The following FBP2 variants were observed in gnomAD, a reference collection of about 807,000 sequenced individuals.
The protein encoded by FBP2 is fructose-bisphosphatase 2, also known as fructose-1,6-bisphosphatase isozyme 2.
A neutral mutation model predicts 31.6 loss-of-function variants in FBP2; 27 were observed. That is an observed-to-expected ratio of 0.85 (90% CI 0.63 to 1.18). The LOEUF (loss-of-function observed/expected upper bound fraction) is 1.18, where lower values mean the gene tolerates loss of function less well. FBP2 is among the 50% of genes most tolerant of loss of function. The probability of loss-of-function intolerance (pLI) is 0.00; values close to 1 mark genes in which losing one functional copy is unlikely to be tolerated. For missense variants in FBP2, 421 were observed against 436.1 expected (o/e 0.97, Z 0.31); for synonymous variants, 168 against 179.8 (o/e 0.93, Z 0.53).
intron 4 of FBP2, chr9:94,569,386 TGAGCCGG>T (rs1367952902): frequency 6.6e-6 from 1 of 152,256 alleles, no homozygotes; most frequent in Non-Finnish European, 1.5e-5. Flanking sequence ...TTCACTTAAT[TGAGCCGG>T]GGTCAATTTT....
chr9:94,578,148 C>T (rs865966746), intron 3 of FBP2, among the ~76,000 whole-genome samples: 11 of 152,284 alleles, frequency 7.2e-5, no homozygotes, highest in Middle Eastern at 6.8e-3. Context: ...CAGGGTTTGG[C>T]GCAAAGATTG....
chr9:94,559,190 A>G, intron 6 of FBP2, 58 bp from the exon 7 acceptor site: 3 of 1,496,206 alleles, frequency 2.0e-6, no homozygotes, highest in Non-Finnish European at 2.8e-6. Flanking sequence ...GTCCCGAGCC[A>G]TGCCCCTAAA....
intron 3 of FBP2, among the ~76,000 whole-genome samples, chr9:94,572,592 T>C (rs56404355): frequency 0.083 from 12,563 of 152,230 alleles, 572 homozygotes; most frequent in South Asian, 0.16. Context: ...AGTGTCTGAC[T>C]TCCCAGCTAG....
chr9:94,581,662 T>C (rs1827373772), intron 3 of FBP2, among the ~76,000 whole-genome samples: 2 of 152,214 alleles, frequency 1.3e-5, no homozygotes, highest in African/African-American at 4.8e-5. Flanking sequence ...GCCCCCGGAA[T>C]ACCTTGACAA....
intron 1 of FBP2, among the ~76,000 whole-genome samples, chr9:94,592,835 C>T (rs1387819532): frequency 2.0e-5 from 3 of 152,144 alleles, no homozygotes; most frequent in Non-Finnish European, 2.9e-5. Context: ...GCCTGGCCAC[C>T]GGATTCTTTT....
At position 94,563,352 on chromosome 9, in the gene FBP2, G is replaced by C; in HGVS notation, c.815C>G (p.Pro272Arg). The C allele has an allele frequency of 1.2e-6, 2 of 1,614,084 alleles. No homozygotes were observed. The highest frequency in any genetic ancestry group is 1.7e-6 in the Non-Finnish European group (2 of 1,179,964). ...ACAAGGGAGAATTACCTTGCCCTTA[G>C]GGCTCTTCTGGTTGGCTGGGTACAG... is the stretch of plus-strand genomic sequence containing the variant. ...IFLYPANQKS[P>R]KGKLRLLYEC... Residue 272 changes from proline to arginine, a missense_variant, in exon 6 of 7, where the codon CCT (proline) becomes CGT (arginine). Pro to Arg is a moderately radical substitution (Grantham distance 103). Transcript: ENST00000375337.
At chr9:94,582,828 A>C (rs1036048932) in intron 3 of FBP2, among the ~76,000 whole-genome samples, 2 of 147,358 alleles carry the variant, frequency 1.4e-5, no homozygotes, top group African/African-American at 5.0e-5. Flanking sequence ...GATTACAGGC[A>C]TGAGCCACCC....
chr9:94,587,464 C>G lies in FBP2; in HGVS notation c.176G>C (p.Gly59Ala). The G allele has an allele frequency of 6.2e-7, 1 of 1,614,016 alleles. No individual in the cohort carries two copies. The highest frequency in any genetic ancestry group is 1.7e-5 in the Admixed American group (1 of 59,982). ...CGTCACGTTAACGCTTCCTGCGATT[C>G]CATACCTGAGAAGACAAAAGGCTGA... Reference protein sequence around the residue: ...VRKAGLAHLYGIAGSVNVTGD... With the variant: ...VRKAGLAHLYAIAGSVNVTGD... The change falls in exon 2 of 7, where the codon GGA (glycine) becomes GCA (alanine). Residue 59 changes from glycine to alanine, a missense_variant. Gly to Ala is a moderately conservative substitution (Grantham distance 60). Coordinates refer to ENST00000375337, the MANE Select transcript of FBP2 (RefSeq NM_003837.4).
intron 3 of FBP2, among the ~76,000 whole-genome samples, chr9:94,579,215 G>A (rs977716024): frequency 7.4e-5 from 11 of 149,458 alleles, no homozygotes; most frequent in African/African-American, 1.5e-4. Flanking sequence ...TGGCTAACAT[G>A]GTGAAACCCC....
intron 1 of FBP2, among the ~76,000 whole-genome samples, chr9:94,588,274 T>C (rs1827451008): frequency 6.6e-6 from 1 of 152,146 alleles, no homozygotes; most frequent in Non-Finnish European, 1.5e-5. Context: ...GGCAGACTTA[T>C]TTCATTTTTT....
At chr9:94,582,759 A>C (rs1827385579) in intron 3 of FBP2, among the ~76,000 whole-genome samples, 1 of 151,580 alleles carries the variant, frequency 6.6e-6, no homozygotes, top group South Asian at 2.1e-4. Context: ...CATGTTAGCC[A>C]GGATGGTCTC....
chr9:94,572,699 TCA>T (rs547296641), intron 3 of FBP2, among the ~76,000 whole-genome samples: 4 of 151,540 alleles, frequency 2.6e-5, no homozygotes, highest in South Asian at 2.1e-4. Context: ...TGCATTTAAT[TCA>T]CACACACACA....
rs1827302638 is a variant in FBP2, at chr9:94,575,005, CACT to C, written c.427-3406_427-3404del. Among the ~76,000 whole-genome samples the C allele has an allele frequency of 2.0e-5, 3 of 152,188 alleles. No homozygotes were observed. The South Asian group carries it at 6.2e-4, about 32-fold the overall frequency. ...CCATCAGATAAGTGGTGCTTCCTAC[CACT>C]ACTTTTTGGTAAAATTAATGAAAAT... On this transcript the variant is annotated intron_variant, in intron 3 of 6. Transcript: ENST00000375337.
intron 5 of FBP2, among the ~76,000 whole-genome samples, chr9:94,565,858 T>TGG (rs762406304): frequency 1.2e-4 from 19 of 152,030 alleles, no homozygotes; most frequent in Non-Finnish European, 2.1e-4. Flanking sequence ...GCTCGTAACT[T>TGG]GGGGGAGGAG....
In FBP2 at chr9:94,558,984, A is replaced by G. The variant is rs142157727; in HGVS notation, c.974T>C (p.Val325Ala). ...CTGCACACAGGTGAGATATTCCTGC[A>G]CATCCTCTGGTGACCCCAGAATGAG... The part of the protein sequence containing the change: ...VPLILGSPED[V>A]QEYLTCVQKN... Residue 325 changes from valine (V) to alanine (A), a missense_variant, in exon 7 of 7, where the codon GTG becomes GCG. Val to Ala is a moderately conservative substitution (Grantham distance 64, BLOSUM62 0). Transcript: ENST00000375337. 73 of 1,613,996 alleles carry G rather than the reference A, an allele frequency of 4.5e-5. 1 individual carries two copies. The highest frequency in any genetic ancestry group is 6.0e-5 in the Non-Finnish European group (71 of 1,180,048).
intron 1 of FBP2, among the ~76,000 whole-genome samples, chr9:94,592,667 C>T (rs547307098): frequency 1.5e-4 from 23 of 152,114 alleles, no homozygotes; most frequent in African/African-American, 5.3e-4. Flanking sequence ...CCCGAGTAGC[C>T]GGGACTACAG....
At chr9:94,591,681 C>T (rs1038059421) in intron 1 of FBP2, among the ~76,000 whole-genome samples, 3 of 152,176 alleles carry the variant, frequency 2.0e-5, no homozygotes, top group African/African-American at 7.2e-5. Flanking sequence ...GGCTTGGAAC[C>T]GCGGTAGTGA....
chr9:94,589,143 T>TTC (rs148605205), intron 1 of FBP2, among the ~76,000 whole-genome samples: 4,546 of 152,026 alleles, frequency 0.03, 224 homozygotes, highest in African/African-American at 0.1. Context: ...GATTTTTTTT[T>TTC]CCATTCTGAG....
At chr9:94,566,770 G>A (rs952341569) in intron 5 of FBP2, among the ~76,000 whole-genome samples, 1 of 152,168 alleles carries the variant, frequency 6.6e-6, no homozygotes, top group Non-Finnish European at 1.5e-5. Flanking sequence ...CATTACAGAT[G>A]GATTAAAGGG....
Sources: allele counts gnomAD v4.1 joint callset (sites outside exome capture counted in the v4.1 genomes callset), GRCh38; gene constraint gnomAD v4.1.1; transcripts MANE v1.5; gene names NCBI Gene and HGNC (gene_info 2026-07-23, HGNC 2026-07-21).